Variants in DAB1 observed in about 807,000 individuals in gnomAD.
DAB1 encodes disabled homolog 1.
Under a neutral mutation model 64.6 loss-of-function variants are expected in DAB1, and 15 were observed. The observed-to-expected ratio is 0.23, with a 90% confidence interval of 0.16 to 0.36. The LOEUF is 0.36. Among genes scored for constraint, DAB1 ranks in the 10% least tolerant of loss-of-function variants. The pLI, the probability that DAB1 is intolerant of heterozygous loss-of-function variation, is 1.00. For missense variants in DAB1, 596 were observed against 706.7 expected (o/e 0.84, Z 1.78); for synonymous variants, 235 against 251.9 (o/e 0.93, Z 0.64).
intron 1 of DAB1, among the ~76,000 whole-genome samples, chr1:57,868,282 G>A (rs946414072): frequency 1.3e-5 from 2 of 151,882 alleles, no homozygotes; most frequent in Non-Finnish European, 1.5e-5. Flanking sequence ...AGGGGTGGTA[G>A]GAGAGCATTT....
At chr1:58,053,609 G>T (rs552059282) in intron 5 of DAB1, among the ~76,000 whole-genome samples, 1 of 152,156 alleles carries the variant, frequency 6.6e-6, no homozygotes, top group South Asian at 2.1e-4. Flanking sequence ...GTTTGGAGGG[G>T]ACAAATATCT....
At chr1:57,919,678 A>G (rs1335317740) in intron 5 of DAB1, among the ~76,000 whole-genome samples, 1 of 152,256 alleles carries the variant, frequency 6.6e-6, no homozygotes, top group Non-Finnish European at 1.5e-5. Flanking sequence ...TAAACAATGT[A>G]TAACCGGCAG....
At chr1:57,120,282 T>C (rs1388065409) in intron 4 of DAB1, among the ~76,000 whole-genome samples, 3 of 152,148 alleles carry the variant, frequency 2.0e-5, no homozygotes, top group African/African-American at 7.2e-5. Context: ...CATTTTTACA[T>C]TCATTCATTT....
intron 2 of DAB1, among the ~76,000 whole-genome samples, chr1:57,171,471 G>A (rs926170273): frequency 3.3e-5 from 5 of 152,114 alleles, no homozygotes; most frequent in African/African-American, 1.2e-4. Context: ...GAAGAAAAGA[G>A]TTCCTCTTTT....
intron 1 of DAB1, among the ~76,000 whole-genome samples, chr1:57,295,902 C>A (rs145474486): frequency 6.6e-6 from 1 of 152,114 alleles, no homozygotes; most frequent in East Asian, 1.9e-4. Context: ...CAAATCAATT[C>A]AATTTTATGT....
At chr1:58,470,187 T>G (rs1557430047) in intron 3 of DAB1, among the ~76,000 whole-genome samples, 1 of 151,680 alleles carries the variant, frequency 6.6e-6, no homozygotes, top group Non-Finnish European at 1.5e-5. Context: ...TATTTATTTA[T>G]TTTTGAGATG....
intron 4 of DAB1, among the ~76,000 whole-genome samples, chr1:58,216,306 T>C (rs918700950): frequency 2.0e-5 from 3 of 152,188 alleles, no homozygotes; most frequent in Non-Finnish European, 2.9e-5. Context: ...TGAGTTAGTT[T>C]GCTGAGAATG....
chr1:58,540,003 T>C (rs61781823), intron 1 of DAB1, among the ~76,000 whole-genome samples: 20,479 of 152,064 alleles, frequency 0.13, 1,523 homozygotes, highest in African/African-American at 0.19. Context: ...TGTCTGGGCA[T>C]ATGTGTAAGA....
chr1:57,666,723 T>G (rs1646451913), intron 6 of DAB1, among the ~76,000 whole-genome samples: 2 of 152,164 alleles, frequency 1.3e-5, no homozygotes, highest in Non-Finnish European at 2.9e-5. Flanking sequence ...ATGCTGTGAC[T>G]CTATTCTCAA....
At chr1:58,034,200 G>A (rs1049370466) in intron 5 of DAB1, among the ~76,000 whole-genome samples, 2 of 152,172 alleles carry the variant, frequency 1.3e-5, no homozygotes, top group African/African-American at 4.8e-5. Context: ...GGATAAAGCT[G>A]GTTACCATAT....
intron 4 of DAB1, among the ~76,000 whole-genome samples, chr1:58,186,068 C>A (rs2100214121): frequency 6.6e-6 from 1 of 152,306 alleles, no homozygotes; most frequent in East Asian, 1.9e-4. Flanking sequence ...TTATACACAG[C>A]CATTCAAGAC....
chr1:57,985,857 G>A (rs927981827), intron 5 of DAB1, among the ~76,000 whole-genome samples: 16 of 152,108 alleles, frequency 1.1e-4, no homozygotes, highest in Non-Finnish European at 5.9e-5. Context: ...TACTCAGAAA[G>A]GGTGTGAACA....
intron 3 of DAB1, among the ~76,000 whole-genome samples, chr1:58,434,392 G>T (rs1278872812): frequency 6.9e-6 from 1 of 145,632 alleles, no homozygotes; most frequent in Non-Finnish European, 1.5e-5. Flanking sequence ...TGAGGGCGTG[G>T]ATGTAGGACA....
chr1:57,009,603 A>G (rs750414214), intron 14 of DAB1, among the ~76,000 whole-genome samples: 1 of 152,170 alleles, frequency 6.6e-6, no homozygotes, highest in African/African-American at 2.4e-5. Flanking sequence ...AAAACTGTTT[A>G]CCATTTTAAT....
At chr1:58,277,939 C>G (rs927534121) in intron 4 of DAB1, among the ~76,000 whole-genome samples, 2 of 152,214 alleles carry the variant, frequency 1.3e-5, no homozygotes, top group East Asian at 3.8e-4. Context: ...ATCTGCTTCA[C>G]ACCAGGGGCT....
chr1:57,063,926 C>G (rs962453007), intron 8 of DAB1, among the ~76,000 whole-genome samples: 1 of 152,180 alleles, frequency 6.6e-6, no homozygotes. Context: ...GCTCACACCC[C>G]CATTGCAGGA....
intron 6 of DAB1, among the ~76,000 whole-genome samples, chr1:57,757,662 T>C (rs1648880278): frequency 6.6e-6 from 1 of 152,164 alleles, no homozygotes; most frequent in Non-Finnish European, 1.5e-5. Context: ...CCTAATGACC[T>C]CATTTTAATT....
intron 7 of DAB1, among the ~76,000 whole-genome samples, chr1:57,603,749 A>G (rs1192174162): frequency 6.6e-6 from 1 of 152,238 alleles, no homozygotes; most frequent in Non-Finnish European, 1.5e-5. Context: ...TTTGGATGGT[A>G]CCCAAAGGCC....
chr1:58,358,972 A>ACACACACACACACACACACC, intron 3 of DAB1, among the ~76,000 whole-genome samples: 1 of 148,200 alleles, frequency 6.7e-6, no homozygotes, highest in South Asian at 2.2e-4. Flanking sequence ...ACACACACAC[A>ACACACACACACACACACACC]CACACTCAAA....
Sources: allele counts gnomAD v4.1 joint callset (sites outside exome capture counted in the v4.1 genomes callset), GRCh38; gene constraint gnomAD v4.1.1; transcripts MANE v1.5; gene names NCBI Gene and HGNC (gene_info 2026-07-23, HGNC 2026-07-21).